TPR: variants seen among roughly 807,000 people sequenced by gnomAD.
The protein encoded by TPR is translocated promoter region, nuclear basket protein.
TPR carries 51 observed loss-of-function variants against 316.1 expected under a neutral mutation model. That is an observed-to-expected ratio of 0.16 (90% CI 0.13 to 0.20). The LOEUF (loss-of-function observed/expected upper bound fraction) is 0.20. Among genes scored for constraint, TPR ranks in the 10% least tolerant of loss-of-function variants. The probability of loss-of-function intolerance (pLI) is 1.00; values close to 1 mark genes in which losing one functional copy is unlikely to be tolerated. For synonymous variants in TPR, 981 were observed against 914.7 expected, an observed-to-expected ratio of 1.07 and a Z score of -1.31; for missense variants, 2,272 against 2,754.8, an observed-to-expected ratio of 0.82 and a Z score of 3.92.
intron 14 of TPR, 122 bp from the exon 15 acceptor site, chr1:186,356,571 A>AT: frequency 4.5e-5 from 42 of 923,262 alleles, no homozygotes; most frequent in Non-Finnish European, 5.9e-5. Flanking sequence ...CTCTCTCATT[A>AT]TTTTTTTTCA....
In TPR at chr1:186,342,916, C is replaced by T. The variant is rs141386229; in HGVS notation, c.3750+410G>A. On this transcript the variant is annotated intron_variant, in intron 27 of 50. Transcript: ENST00000367478. ...TTTAAATCACTTTATCCTAGAATGA[C>T]TATCCACACGTATAATCCATAACTA... 3 of 153,882 alleles carry T rather than the reference C, an allele frequency of 1.9e-5. No homozygotes were observed. The East Asian group carries it at 5.7e-4, about 29-fold the overall frequency. 9.5% of individuals were successfully genotyped at this position (153,882 alleles called of 1,614,324 possible).
chr1:186,331,426 G>T, intron 39 of TPR, 72 bp downstream of exon 39: 2 of 1,001,318 alleles, frequency 2.0e-6, no homozygotes. Context: ...ACCAAATAAT[G>T]TTTCAATTTG....
intron 20 of TPR, 33 bp downstream of exon 20, chr1:186,351,297 C>A (rs535385400): frequency 5.1e-6 from 8 of 1,575,972 alleles, no homozygotes; most frequent in Non-Finnish European, 6.9e-6. Flanking sequence ...AACATAAACA[C>A]CCTACAGAAA....
chr1:186,337,253 A>C, intron 31 of TPR, 97 bp from the exon 32 acceptor site: 2 of 1,407,272 alleles, frequency 1.4e-6, no homozygotes, highest in Non-Finnish European at 1.9e-6. Context: ...CTTTGCAAAG[A>C]AATTTTATCC....
chr1:186,341,522 G>A (rs1468254463), intron 27 of TPR, 133 bp from the exon 28 acceptor site: 7 of 938,094 alleles, frequency 7.5e-6, no homozygotes, highest in Non-Finnish European at 1.1e-5. Flanking sequence ...TAAAATTTTT[G>A]AAAGTTCACG....
chr1:186,351,914 A>G (rs1658872104), intron 19 of TPR, 62 bp downstream of exon 19: 2 of 1,530,834 alleles, frequency 1.3e-6, no homozygotes, highest in Non-Finnish European at 1.7e-6. Context: ...AATTGAGAGG[A>G]TAAAAAAAAT....
chr1:186,349,651 C>T lies in TPR; in HGVS notation c.2776+572G>A, dbSNP rs1383380978. ...CTCCAACCTGGGCAACAGTGCGAGA[C>T]TCTCTCTCAAAAAAAAAAAAAAAAA... On this transcript the variant is annotated intron_variant, in intron 21 of 50. Transcript: ENST00000367478. 4.1e-5 allele frequency among the ~76,000 whole-genome samples: 6 copies of T among 144,896 alleles called. No individual in the cohort carries two copies. In the East Asian group the frequency reaches 1.2e-3, roughly 29 times the overall value.
chr1:186,334,246 T>A, intron 36 of TPR, 79 bp downstream of exon 36: 1 of 1,376,434 alleles, frequency 7.3e-7, no homozygotes, highest in East Asian at 2.4e-5. Flanking sequence ...GGATGCTTCA[T>A]TTGTCTTTGA....
At position 186,357,544 on chromosome 1, in the gene TPR, A is replaced by C. The variant is rs1659064921; in HGVS notation, c.1577T>G (p.Ile526Arg). ...TGATATTACCTCAGATGAACTACTT[A>C]TATCAGCAGAGCTTACTTCCTCATC... Reference protein sequence around the residue: ...IRDEEVSSADISSSSEVISQH... With the variant: ...IRDEEVSSADRSSSSEVISQH... Residue 526 changes from isoleucine (I) to arginine (R), a missense_variant, in exon 14 of 51, where the codon ATA becomes AGA. By Grantham distance (97) the Ile-to-Arg change is moderately conservative (BLOSUM62 -3). Coordinates refer to ENST00000367478, the MANE Select transcript of TPR (RefSeq NM_003292.3). 1 of 1,614,032 alleles carries C rather than the reference A, an allele frequency of 6.2e-7. No homozygotes were observed. Among genetic ancestry groups the C allele is most frequent in the Non-Finnish European group, 8.5e-7 (1 of 1,180,028 alleles).
chr1:186,326,125 A>G lies in TPR; in HGVS notation c.6000T>C (p.Gly2000=). The change falls in exon 41 of 51, where the codon GGT becomes GGC. Residue 2000 remains glycine (G), a synonymous_variant. Coordinates refer to ENST00000367478, the MANE Select transcript of TPR (RefSeq NM_003292.3). ...EGTGSADGND[G]YEADDAEGGD... The stretch of plus-strand genomic sequence containing the variant: ...TTACCTCAGCATCATCAGCTTCATA[A>G]CCATCATTGCCATCGGCACTACCAG... 1 of 1,613,766 alleles carries G rather than the reference A, an allele frequency of 6.2e-7. No individual in the cohort carries two copies. The highest frequency in any genetic ancestry group is 1.1e-5 in the South Asian group (1 of 91,072).
chr1:186,313,438 A>G lies in TPR; in HGVS notation c.*533T>C. The G allele has an allele frequency of 2.1e-6, 1 of 469,554 alleles. No individual in the cohort carries two copies. The highest frequency in any genetic ancestry group is 3.8e-6 in the Non-Finnish European group (1 of 263,216). 29.1% of individuals were successfully genotyped at this position (469,554 alleles called of 1,614,324 possible). A position where few individuals can be genotyped will look rare whatever the true frequency, so the allele number is the denominator to read the frequency against. On this transcript the variant is annotated 3_prime_UTR_variant, in exon 51 of 51. Coordinates refer to ENST00000367478, the MANE Select transcript of TPR (RefSeq NM_003292.3). ...TTGGTTACTCTTTAATGTTTACTTC[A>G]TAAAGGAGAGCTGAACCTGATTTTA...
intron 42 of TPR, among the ~76,000 whole-genome samples, chr1:186,324,868 A>G (rs1657873179): frequency 6.6e-6 from 1 of 152,152 alleles, no homozygotes; most frequent in African/African-American, 2.4e-5. Context: ...TCCTCCCTCT[A>G]TATTTCAACT....
chr1:186,333,340 C>T lies in TPR; in HGVS notation c.5237G>A (p.Gly1746Glu). 1 of 1,613,596 alleles carries T rather than the reference C, an allele frequency of 6.2e-7. No homozygotes were observed. Among genetic ancestry groups the T allele is most frequent in the Non-Finnish European group, 8.5e-7 (1 of 1,179,664 alleles). The change falls in exon 37 of 51, where the codon GGA (glycine) becomes GAA (glutamate). Residue 1746 changes from glycine (G) to glutamate (E), a missense_variant. Around this residue, in one of 10 missense-constraint regions of TPR, gnomAD observed 435 missense variants for 461.1 expected, o/e 0.94. Transcript: ENST00000367478. ...ATTAGGACTAGTAGAACGAACGGAT[C>T]CACTTGTGCTTCCAAAAACTGGAAC... ...EHVPVFGSTS[G>E]SVRSTSPNVQ...
At chr1:186,336,815 G>A in intron 32 of TPR, 121 bp from the exon 33 acceptor site, 1 of 1,323,150 alleles carries the variant, frequency 7.6e-7, no homozygotes, top group East Asian at 2.5e-5. Context: ...GGAAGTATAA[G>A]TATAAAAATG....
rs1232062318 is a variant in TPR at position 186,314,326 on chromosome 1, A to ACTAC, written c.7037-301_7037-300insGTAG. ...AAAAAATTAACAATATAATGGCAAT[A>ACTAC]GGTAGAGATACAACAAATGAATATA... is the stretch of plus-strand genomic sequence containing the variant. On this transcript the variant is annotated intron_variant, in intron 50 of 50. Coordinates refer to ENST00000367478, the MANE Select transcript of TPR (RefSeq NM_003292.3). 30 of 393,280 alleles carry ACTAC rather than the reference A, an allele frequency of 7.6e-5. No individual in the cohort carries two copies. The East Asian group carries it at 1.3e-3, about 18-fold the overall frequency. 24.4% of individuals were successfully genotyped at this position (393,280 alleles called of 1,614,324 possible). A position where few individuals can be genotyped will look rare whatever the true frequency, so the allele number is the denominator to read the frequency against.
At chr1:186,355,307 C>T in intron 17 of TPR, 103 bp downstream of exon 17, 3 of 1,266,488 alleles carry the variant, frequency 2.4e-6, no homozygotes, top group South Asian at 1.3e-5. Context: ...ACACAGTTCA[C>T]AAAAAAAGCA....
chr1:186,354,833 C>T (rs1176366146), intron 17 of TPR, among the ~76,000 whole-genome samples: 1 of 152,120 alleles, frequency 6.6e-6, no homozygotes, highest in Non-Finnish European at 1.5e-5. Flanking sequence ...TTAAGTCCTA[C>T]CGAAACAAGT....
rs900092602 is a variant in TPR at position 186,357,643 on chromosome 1, A to T, written c.1498-20T>A. 3.1e-6 allele frequency: 5 copies of T among 1,591,840 alleles called. No individual in the cohort carries two copies. The highest frequency in any genetic ancestry group is 1.7e-5 in the Admixed American group (1 of 57,918). ...TCTAATCTAAAAACAAAGTTTTAATATGTTATAAAATAGTATTAGTTACAA... is the reference window on the plus strand; with the variant it reads ...TCTAATCTAAAAACAAAGTTTTAATTTGTTATAAAATAGTATTAGTTACAA... On this transcript the variant is annotated intron_variant, in intron 13 of 50. Coordinates refer to ENST00000367478, the MANE Select transcript of TPR (RefSeq NM_003292.3).
rs758894874 is a variant in TPR, at chr1:186,359,778, A to T, written c.1389+21T>A. The T allele has an allele frequency of 4.5e-6, 7 of 1,569,994 alleles. No homozygotes were observed. In the African/African-American group the frequency reaches 9.8e-5, roughly 22 times the overall value. The stretch of plus-strand genomic sequence containing the variant: ...CTCATTTGTATTGTTACCACGGCTA[A>T]ATTTTAGGAATGGAACCAACCTTCA... On this transcript the variant is annotated intron_variant, in intron 12 of 50. Coordinates refer to ENST00000367478, the MANE Select transcript of TPR (RefSeq NM_003292.3).
Sources: gnomAD v4.1 joint callset for allele counts (sites outside exome capture counted in the v4.1 genomes callset) on GRCh38, gnomAD v4.1.1 for gene constraint, gnomAD v4.1.1 regional missense constraint, MANE v1.5 for transcripts, NCBI Gene and HGNC (gene_info 2026-07-23, HGNC 2026-07-21) for gene names.